Variants in SLCO1B1 observed in about 807,000 individuals in gnomAD.
SLCO1B1 encodes the protein OATP-2.
In SLCO1B1, 81 loss-of-function variants were observed where a neutral mutation model predicts 70.1. The ratio of observed to expected loss-of-function variants is 1.16; its 90% CI spans 0.97 to 1.39. SLCO1B1 has a LOEUF of 1.39. Among genes scored for constraint, SLCO1B1 ranks in the 40% most tolerant of loss-of-function variants. The pLI is 0.00. For synonymous variants in SLCO1B1, 283 were observed against 271.5 expected (o/e 1.04, Z -0.42); for missense variants, 895 against 799.6 (o/e 1.12, Z -1.44).
At chr12:21,157,046 A>G (rs1276384593) in intron 2 of SLCO1B1, among the ~76,000 whole-genome samples, 2 of 152,208 alleles carry the variant, frequency 1.3e-5, no homozygotes, top group Non-Finnish European at 2.9e-5. Context: ...TTTGAATCTT[A>G]CCATGACCTT....
Position 21,224,822 on chromosome 12 carries a change from T to A in SLCO1B1, c.1848T>A (p.Tyr616Ter). The part of the protein sequence containing the change: ...NCGTRGSCRT[Y>*]NSTSFSRVYL... The stretch of plus-strand genomic sequence containing the variant: ...GCACACGTGGGTCATGTAGGACATA[T>A]AATTCCACATCATTTTCGTAAGTTG... Residue 616 changes from tyrosine to a stop codon, truncating the protein, a stop_gained, in exon 14 of 15, where the codon TAT (tyrosine) becomes TAA (stop). Coordinates refer to ENST00000256958, the MANE Select transcript of SLCO1B1 (RefSeq NM_006446.5). LOFTEE classifies it low-confidence loss of function (END_TRUNC). The A allele has an allele frequency of 1.3e-6, 2 of 1,584,314 alleles. No homozygotes were observed. The highest frequency in any genetic ancestry group is 2.2e-5 in the East Asian group (1 of 44,468).
intron 1 of SLCO1B1, among the ~76,000 whole-genome samples, chr12:21,135,911 T>C (rs1440781736): frequency 6.6e-6 from 1 of 152,246 alleles, no homozygotes; most frequent in Non-Finnish European, 1.5e-5. Context: ...CATTAGTTGA[T>C]GCAGTTTCTT....
At position 21,216,596 on chromosome 12, in the gene SLCO1B1, C is replaced by T. The variant is rs186580159; in HGVS notation, c.1498-523C>T. On this transcript the variant is annotated intron_variant, in intron 11 of 14. Coordinates refer to ENST00000256958, the MANE Select transcript of SLCO1B1 (RefSeq NM_006446.5). Reference sequence around the variant, plus strand: ...ATTGTATCCTTGGATTTTGTTTATGCCTGCTAAATTAAAATTTTAGCATCT... The same window carrying T: ...ATTGTATCCTTGGATTTTGTTTATGTCTGCTAAATTAAAATTTTAGCATCT... Among the ~76,000 whole-genome samples the T allele has an allele frequency of 3.3e-3, 498 of 152,182 alleles. 2 individuals carry two copies. The highest frequency in any genetic ancestry group is 4.7e-3 in the Non-Finnish European group (321 of 67,960).
chr12:21,211,962 A>G (rs1392769335), intron 11 of SLCO1B1, among the ~76,000 whole-genome samples: 1 of 148,010 alleles, frequency 6.8e-6, no homozygotes, highest in African/African-American at 2.5e-5. Context: ...TTTTTTCTTT[A>G]TTAGTCTTGC....
intron 2 of SLCO1B1, among the ~76,000 whole-genome samples, chr12:21,157,836 G>A (rs150333799): frequency 8.5e-5 from 13 of 152,088 alleles, no homozygotes; most frequent in African/African-American, 3.1e-4. Flanking sequence ...TCCTGACCTC[G>A]TGATCTGCCC....
At chr12:21,236,937 G>A (rs1941601886) in intron 14 of SLCO1B1, among the ~76,000 whole-genome samples, 1 of 152,062 alleles carries the variant, frequency 6.6e-6, no homozygotes, top group Admixed American at 6.6e-5. Context: ...AGATCTCTTA[G>A]AGACTACATA....
At chr12:21,168,202 G>C (rs2121090580) in intron 2 of SLCO1B1, among the ~76,000 whole-genome samples, 1 of 136,062 alleles carries the variant, frequency 7.3e-6, no homozygotes, top group Non-Finnish European at 1.7e-5. Flanking sequence ...TAATGTCCTT[G>C]AGGTTCATCC....
chr12:21,172,612 A>G (rs1256386455), intron 2 of SLCO1B1, 38 bp from the exon 3 acceptor site: 2 of 1,611,170 alleles, frequency 1.2e-6, no homozygotes, highest in Admixed American at 1.7e-5. Context: ...TAGTCCTTCG[A>G]TTAACCATTT....
chr12:21,191,152 T>C (rs554664982), intron 7 of SLCO1B1, among the ~76,000 whole-genome samples: 2 of 152,090 alleles, frequency 1.3e-5, no homozygotes, highest in Non-Finnish European at 2.9e-5. Flanking sequence ...ATTTTAGAAT[T>C]GTTTGTTATA....
intron 13 of SLCO1B1, among the ~76,000 whole-genome samples, chr12:21,224,285 A>G (rs1257951657): frequency 2.0e-5 from 3 of 152,126 alleles, no homozygotes; most frequent in Non-Finnish European, 4.4e-5. Context: ...ATGTTAAAAA[A>G]AAAAAAAGTC....
intron 10 of SLCO1B1, among the ~76,000 whole-genome samples, chr12:21,205,611 G>T (rs1028682779): frequency 1.3e-5 from 2 of 151,516 alleles, no homozygotes; most frequent in South Asian, 4.2e-4. Flanking sequence ...AACATCTTTG[G>T]TTTATTTTTA....
intron 1 of SLCO1B1, among the ~76,000 whole-genome samples, chr12:21,135,949 G>A (rs1940214467): frequency 2.0e-5 from 3 of 152,072 alleles, no homozygotes; most frequent in Admixed American, 1.3e-4. Flanking sequence ...TTACAATTTG[G>A]CATGTTTTTG....
At chr12:21,214,397 C>A (rs867984252) in intron 11 of SLCO1B1, among the ~76,000 whole-genome samples, 1 of 148,968 alleles carries the variant, frequency 6.7e-6, no homozygotes, top group African/African-American at 2.5e-5. Flanking sequence ...CAGGGACCCA[C>A]TTGAGGAGGC....
chr12:21,133,956 A>G (rs948500099), intron 1 of SLCO1B1, among the ~76,000 whole-genome samples: 33 of 152,260 alleles, frequency 2.2e-4, no homozygotes, highest in Admixed American at 1.6e-3. Flanking sequence ...TCAGTATCAT[A>G]TTGGCTGCAG....
intron 2 of SLCO1B1, among the ~76,000 whole-genome samples, chr12:21,163,972 C>A (rs554728142): frequency 6.6e-6 from 1 of 151,296 alleles, no homozygotes; most frequent in South Asian, 2.1e-4. Context: ...GCCAGAATAA[C>A]ATGATCTAAG....
At chr12:21,153,084 G>C (rs577196566) in intron 2 of SLCO1B1, among the ~76,000 whole-genome samples, 2 of 152,110 alleles carry the variant, frequency 1.3e-5, no homozygotes, top group African/African-American at 4.8e-5. Context: ...GTGACACTTT[G>C]TAATCACCTA....
intron 11 of SLCO1B1, among the ~76,000 whole-genome samples, chr12:21,212,338 G>C (rs1416662256): frequency 0.057 from 4,699 of 82,114 alleles, 54 homozygotes; most frequent in East Asian, 0.16. Context: ...AGTCATTCAG[G>C]AGCAGGTTGT....
intron 2 of SLCO1B1, among the ~76,000 whole-genome samples, chr12:21,144,415 T>C (rs920803219): frequency 1.3e-5 from 2 of 152,066 alleles, no homozygotes; most frequent in African/African-American, 4.8e-5. Flanking sequence ...TATGGGATTA[T>C]GTAAAGAGAC....
chr12:21,147,057 T>C (rs570338872), intron 2 of SLCO1B1, among the ~76,000 whole-genome samples: 105 of 152,280 alleles, frequency 6.9e-4, no homozygotes, highest in African/African-American at 2.4e-3. Flanking sequence ...TATTTCTCCT[T>C]GTATTTCTAC....
Sources: allele counts gnomAD v4.1 joint callset (sites outside exome capture counted in the v4.1 genomes callset), GRCh38; gene constraint gnomAD v4.1.1; transcripts MANE v1.5; gene names NCBI Gene and HGNC (gene_info 2026-07-23, HGNC 2026-07-21).